ZNF407: variants seen among roughly 807,000 people sequenced by gnomAD.
The protein encoded by ZNF407 is zinc finger protein 407.
In ZNF407, 17 loss-of-function variants were observed where a neutral mutation model predicts 131.2. That is an observed-to-expected ratio of 0.13 (90% CI 0.09 to 0.19). The LOEUF (loss-of-function observed/expected upper bound fraction) is 0.19, where lower values mean the gene tolerates loss of function less well. Among genes scored for constraint, ZNF407 ranks in the 10% least tolerant of loss-of-function variants. The probability of loss-of-function intolerance (pLI) is 1.00; values close to 1 mark genes in which losing one functional copy is unlikely to be tolerated. For synonymous variants in ZNF407, 1,156 were observed against 1,062.0 expected (o/e 1.09, Z -1.72); for missense variants, 2,681 against 2,830.6 (o/e 0.95, Z 1.20).
At chr18:74,746,596 A>G (rs942246741) in intron 3 of ZNF407, among the ~76,000 whole-genome samples, 3 of 152,052 alleles carry the variant, frequency 2.0e-5, no homozygotes, top group African/African-American at 7.2e-5. Context: ...AAAAACTGTG[A>G]CACAAACACA....
At chr18:74,937,134 C>T (rs957196451) in intron 8 of ZNF407, among the ~76,000 whole-genome samples, 1 of 152,158 alleles carries the variant, frequency 6.6e-6, no homozygotes, top group African/African-American at 2.4e-5. Flanking sequence ...CTGTATAGAG[C>T]ATCTGGAAAT....
At position 74,902,791 on chromosome 18, in the gene ZNF407, A is replaced by C. The variant is rs114699378; in HGVS notation, c.5249+12753A>C. 8.5e-4 allele frequency among the ~76,000 whole-genome samples: 129 copies of C among 152,276 alleles called. 1 individual carries two copies. The highest frequency in any genetic ancestry group is 3.0e-3 in the African/African-American group (125 of 41,574). Reference sequence around the variant, plus strand: ...CAGCATAGAGTTAAAGCTAGAAAACATTTTTTTGAAAGACTTTTCAAAGAT... The same window carrying C: ...CAGCATAGAGTTAAAGCTAGAAAACCTTTTTTTGAAAGACTTTTCAAAGAT... On this transcript the variant is annotated intron_variant, in intron 7 of 8. Coordinates refer to ENST00000299687, the MANE Select transcript of ZNF407 (RefSeq NM_017757.3).
rs117745389 is a variant in ZNF407, at chr18:74,633,572, G to A, written c.2553G>A (p.Thr851=). The change falls in exon 2 of 9, where the codon ACG becomes ACA. Residue 851 remains threonine (T), a synonymous_variant. Transcript: ENST00000299687. The part of the protein sequence containing the change: ...RGRPKGNISR[T]CSHCGLLASS... ...GACCTAAAGGTAACATCTCACGGAC[G>A]TGTTCACACTGTGGCCTTTTGGCCT... is the stretch of plus-strand genomic sequence containing the variant. 69 of 1,614,028 alleles carry A rather than the reference G, an allele frequency of 4.3e-5. No individual in the cohort carries two copies. The highest frequency in any genetic ancestry group is 6.7e-5 in the African/African-American group (5 of 75,060).
intron 8 of ZNF407, among the ~76,000 whole-genome samples, chr18:74,935,348 A>T (rs1316177523): frequency 6.6e-6 from 1 of 152,180 alleles, no homozygotes; most frequent in African/African-American, 2.4e-5. Flanking sequence ...TATTGAGTCT[A>T]TTGACATTTT....
intron 7 of ZNF407, 112 bp from the exon 8 acceptor site, chr18:74,920,402 C>A: frequency 1.2e-6 from 1 of 835,844 alleles, no homozygotes; most frequent in Non-Finnish European, 1.7e-6. Flanking sequence ...ATGAGTACAG[C>A]ACTTAAAATA....
chr18:74,692,738 G>T (rs1215787651), intron 3 of ZNF407, among the ~76,000 whole-genome samples: 1 of 152,132 alleles, frequency 6.6e-6, no homozygotes, highest in East Asian at 1.9e-4. Context: ...TCTCAAAGAT[G>T]TAGTGGAACT....
rs1370045435 is a variant in ZNF407, at chr18:75,063,378, C to T, written c.5657C>T (p.Ala1886Val). 12 of 1,610,850 alleles carry T rather than the reference C, an allele frequency of 7.4e-6. No individual in the cohort carries two copies. Among genetic ancestry groups the T allele is most frequent in the Non-Finnish European group, 1.0e-5 (12 of 1,179,038 alleles). Residue 1886 changes from alanine to valine, a missense_variant, in exon 9 of 9, where the codon GCC becomes GTC. Coordinates refer to ENST00000299687, the MANE Select transcript of ZNF407 (RefSeq NM_017757.3). The surrounding 1 kb of genome is among the most constrained non-coding windows in gnomAD (Gnocchi z 6.6). ...CTGGACCCCTCGGTGGAGGAGACGG[C>T]CGCCGCCACGCTGCAGACGCTGGCC... ...FALDPSVEET[A>V]AATLQTLAMA...
At chr18:75,035,014 A>C (rs12456411) in intron 8 of ZNF407, among the ~76,000 whole-genome samples, 1 of 152,206 alleles carries the variant, frequency 6.6e-6, no homozygotes, top group African/African-American at 2.4e-5. Flanking sequence ...TTCACTCATG[A>C]AAGAAAGATG....
chr18:74,676,533 T>G (rs1367517617), intron 3 of ZNF407, among the ~76,000 whole-genome samples: 1 of 149,314 alleles, frequency 6.7e-6, no homozygotes, highest in Non-Finnish European at 1.5e-5. Context: ...GCCTCCCGGG[T>G]TCACGCCATT....
chr18:74,778,603 A>G (rs1969524392), intron 3 of ZNF407, among the ~76,000 whole-genome samples: 4 of 152,034 alleles, frequency 2.6e-5, no homozygotes, highest in South Asian at 2.1e-4. Flanking sequence ...TGTTCCTTGC[A>G]TAATAGTAGA....
At chr18:75,060,110 G>A (rs1973607850) in intron 8 of ZNF407, 2 of 152,254 alleles carry the variant, frequency 1.3e-5, no homozygotes, top group African/African-American at 4.8e-5. Flanking sequence ...CAAACCTCAG[G>A]AAGAGGAAGT....
intron 8 of ZNF407, among the ~76,000 whole-genome samples, chr18:75,028,868 A>C (rs1973202830): frequency 6.6e-6 from 1 of 152,232 alleles, no homozygotes. Context: ...AGGGCTCTGC[A>C]TCTGCGAACA....
chr18:74,672,615 G>GTTCATTGGAGCACTGTTTA (rs796333969), intron 3 of ZNF407, among the ~76,000 whole-genome samples: 3 of 147,504 alleles, frequency 2.0e-5, no homozygotes, highest in Admixed American at 6.6e-5. Context: ...CTGTTTTTCT[G>GTTCATTGGAGCACTGTTTA]TTCATTGGAG....
At chr18:74,874,432 A>G (rs1271757217) in intron 4 of ZNF407, among the ~76,000 whole-genome samples, 1 of 152,168 alleles carries the variant, frequency 6.6e-6, no homozygotes, top group African/African-American at 2.4e-5. Flanking sequence ...AAAACATTGA[A>G]TCTAGCCTAG....
intron 7 of ZNF407, chr18:74,905,945 A>AC (rs1371627273): frequency 6.6e-6 from 1 of 152,296 alleles, no homozygotes; most frequent in Admixed American, 6.5e-5. Flanking sequence ...AAAAAAAGAG[A>AC]CTTTGGGTAA....
At chr18:74,648,943 T>C (rs958560053) in intron 3 of ZNF407, among the ~76,000 whole-genome samples, 16 of 152,212 alleles carry the variant, frequency 1.1e-4, no homozygotes, top group Admixed American at 1.0e-3. Flanking sequence ...TTCCGTGGTC[T>C]GTGTTTCTGG....
intron 8 of ZNF407, among the ~76,000 whole-genome samples, chr18:75,030,277 C>T (rs572911475): frequency 6.6e-6 from 1 of 152,170 alleles, no homozygotes; most frequent in African/African-American, 2.4e-5. Context: ...CATTAGATTT[C>T]ACTTCTATCA....
chr18:74,793,858 T>C (rs1211665558), intron 4 of ZNF407, among the ~76,000 whole-genome samples: 1 of 152,126 alleles, frequency 6.6e-6, no homozygotes, highest in East Asian at 1.9e-4. Context: ...GCACGTACTC[T>C]TTGTAGATGA....
chr18:74,798,368 T>TG (rs1436790208), intron 4 of ZNF407, among the ~76,000 whole-genome samples: 2 of 151,960 alleles, frequency 1.3e-5, no homozygotes, highest in Non-Finnish European at 2.9e-5. Context: ...TGAGAAACAG[T>TG]GAAAAAAAGG....
Sources: gnomAD v4.1 joint callset for allele counts (sites outside exome capture counted in the v4.1 genomes callset) on GRCh38, gnomAD v4.1.1 for gene constraint, Gnocchi (gnomAD v3.1) non-coding constraint, MANE v1.5 for transcripts, NCBI Gene and HGNC (gene_info 2026-07-23, HGNC 2026-07-21) for gene names.